The following THSD4 variants were observed in gnomAD, a reference collection of about 807,000 sequenced individuals.
THSD4 encodes the protein thrombospondin type 1 domain containing 4, also known as thrombospondin type-1 domain-containing protein 4.
Under a neutral mutation model 119.0 loss-of-function variants are expected in THSD4, and 69 were observed. The ratio of observed to expected loss-of-function variants is 0.58; its 90% CI spans 0.48 to 0.71. THSD4 has a LOEUF of 0.71. Among genes scored for constraint, THSD4 ranks in the 30% least tolerant of loss-of-function variants. The pLI, the probability that THSD4 is intolerant of heterozygous loss-of-function variation, is 0.00. For synonymous variants in THSD4, 524 were observed against 540.4 expected (o/e 0.97, Z 0.42); for missense variants, 1,393 against 1,391.1 (o/e 1.00, Z -0.02).
intron 1 of THSD4, among the ~76,000 whole-genome samples, chr15:71,139,688 T>G (rs79886694): frequency 2.6e-5 from 4 of 152,236 alleles, no homozygotes; most frequent in Admixed American, 2.6e-4. Context: ...TCCCTGAGAA[T>G]GGAATTGTCT....
At chr15:71,129,649 C>A (rs531463923) in intron 1 of THSD4, among the ~76,000 whole-genome samples, 3 of 152,230 alleles carry the variant, frequency 2.0e-5, no homozygotes, top group Admixed American at 1.3e-4. Flanking sequence ...AATCACAGCA[C>A]CTGATTTTAG....
intron 7 of THSD4, among the ~76,000 whole-genome samples, chr15:71,558,210 C>A (rs535227681): frequency 2.0e-5 from 3 of 152,226 alleles, no homozygotes; most frequent in African/African-American, 7.2e-5. Flanking sequence ...CATCTGTAGT[C>A]CCAGCTACTT....
chr15:71,539,134 G>A (rs960920896), intron 7 of THSD4, among the ~76,000 whole-genome samples: 8 of 152,206 alleles, frequency 5.3e-5, no homozygotes, highest in African/African-American at 1.9e-4. Flanking sequence ...GAAGAGAAGG[G>A]AGAGCAATCA....
chr15:71,310,901 G>GT (rs2045102151), intron 6 of THSD4, among the ~76,000 whole-genome samples: 1 of 152,118 alleles, frequency 6.6e-6, no homozygotes, highest in African/African-American at 2.4e-5. Context: ...TGAGGCCTTC[G>GT]TTTTGGGGTG....
Position 71,242,995 on chromosome 15 carries a change from G to C in THSD4, c.811G>C (p.Val271Leu), listed in dbSNP as rs750118408. ...HSPETSNNHG[V>L]GTHGATQSFS... ...CCCAGAAACAAGCAACAACCACGGTGTGGGGACCCATGGGGCAACTCAGAG... is the reference window on the plus strand; with the variant it reads ...CCCAGAAACAAGCAACAACCACGGTCTGGGGACCCATGGGGCAACTCAGAG... The change falls in exon 5 of 18, where the codon GTG becomes CTG. Residue 271 changes from valine to leucine, a missense_variant. Coordinates refer to ENST00000261862, the MANE Select transcript of THSD4 (RefSeq NM_024817.3). 4 of 1,614,104 alleles carry C rather than the reference G, an allele frequency of 2.5e-6. No individual in the cohort carries two copies. The Admixed American group carries it at 5.0e-5, about 20-fold the overall frequency.
chr15:71,723,076 T>TC (rs1382368560), intron 8 of THSD4, among the ~76,000 whole-genome samples: 1 of 151,506 alleles, frequency 6.6e-6, no homozygotes, highest in Non-Finnish European at 1.5e-5. Flanking sequence ...AGGCTAGTTT[T>TC]TTTTTTCTCT....
intron 2 of THSD4, among the ~76,000 whole-genome samples, chr15:71,148,134 A>G (rs1223946137): frequency 2.0e-5 from 3 of 152,200 alleles, no homozygotes; most frequent in African/African-American, 4.8e-5. Context: ...TCCATGCTCT[A>G]TAATGGAAAT....
chr15:71,134,261 G>C (rs969794489), intron 1 of THSD4, among the ~76,000 whole-genome samples: 2 of 152,222 alleles, frequency 1.3e-5, no homozygotes, highest in Non-Finnish European at 2.9e-5. Context: ...AAATGTGACC[G>C]GGCCTGGGGC....
At chr15:71,129,560 G>T (rs2040484790) in intron 1 of THSD4, among the ~76,000 whole-genome samples, 1 of 152,168 alleles carries the variant, frequency 6.6e-6, no homozygotes, top group Non-Finnish European at 1.5e-5. Flanking sequence ...GACCTCCAAG[G>T]ATGTGCCTCT....
At chr15:71,386,045 C>G (rs1056508524) in intron 6 of THSD4, among the ~76,000 whole-genome samples, 5 of 152,172 alleles carry the variant, frequency 3.3e-5, no homozygotes, top group Non-Finnish European at 7.4e-5. Flanking sequence ...GAGAAGAAAT[C>G]ATATTCTCTG....
At chr15:71,359,049 T>C (rs1456091796) in intron 6 of THSD4, among the ~76,000 whole-genome samples, 2 of 152,224 alleles carry the variant, frequency 1.3e-5, no homozygotes, top group Non-Finnish European at 2.9e-5. Flanking sequence ...TCCTTGTTAC[T>C]AATTTTAATT....
At position 71,133,683 on chromosome 15, in the gene THSD4, A is replaced by G. The variant is rs2899768; in HGVS notation, c.-79-7766A>G. Reference sequence around the variant, plus strand: ...AAGGTTTTTCCCCACTTTGATCTGCAGTATCATGTCATCTGAAATTGAAAA... The same window carrying G: ...AAGGTTTTTCCCCACTTTGATCTGCGGTATCATGTCATCTGAAATTGAAAA... On this transcript the variant is annotated intron_variant, in intron 1 of 17. Transcript: ENST00000261862. Among the ~76,000 whole-genome samples the G allele has an allele frequency of 8.4e-3, 1,276 of 152,360 alleles. 15 individuals are homozygous for G. The highest frequency in any genetic ancestry group is 0.014 in the Middle Eastern group (4 of 294).
chr15:71,237,135 A>T (rs906733071), intron 4 of THSD4, among the ~76,000 whole-genome samples: 3 of 152,096 alleles, frequency 2.0e-5, no homozygotes, highest in Non-Finnish European at 2.9e-5. Flanking sequence ...TTGAGTGGGT[A>T]AGCCAAGGAG....
intron 7 of THSD4, among the ~76,000 whole-genome samples, chr15:71,596,726 C>T (rs978285495): frequency 6.6e-6 from 1 of 152,192 alleles, no homozygotes; most frequent in Non-Finnish European, 1.5e-5. Flanking sequence ...TGTTTGTTTC[C>T]CCTTCTACAT....
At chr15:71,186,302 G>T (rs912524557) in intron 3 of THSD4, 3 of 152,292 alleles carry the variant, frequency 2.0e-5, no homozygotes, top group African/African-American at 7.2e-5. Flanking sequence ...CAGGGTGGCA[G>T]TGGGAGCCAG....
intron 6 of THSD4, among the ~76,000 whole-genome samples, chr15:71,318,062 C>CT (rs1400214832): frequency 6.6e-6 from 1 of 152,082 alleles, no homozygotes. Flanking sequence ...CTACCAGTGG[C>CT]TTTTGGGGGG....
chr15:71,704,084 G>A (rs898404369), intron 8 of THSD4, among the ~76,000 whole-genome samples: 10 of 152,146 alleles, frequency 6.6e-5, no homozygotes, highest in African/African-American at 2.4e-4. Context: ...TCCTGACCTC[G>A]TGATCCGCCC....
chr15:71,372,913 G>T (rs1452884363), intron 6 of THSD4, among the ~76,000 whole-genome samples: 1 of 152,240 alleles, frequency 6.6e-6, no homozygotes, highest in Non-Finnish European at 1.5e-5. Context: ...CTTGAGCTGC[G>T]GTGGGCTCCA....
At chr15:71,642,877 C>T (rs2050890613) in intron 7 of THSD4, among the ~76,000 whole-genome samples, 1 of 152,016 alleles carries the variant, frequency 6.6e-6, no homozygotes, top group South Asian at 2.1e-4. Flanking sequence ...GTGCAGCACA[C>T]CAGCATGGCA....
Sources: allele counts gnomAD v4.1 joint callset (sites outside exome capture counted in the v4.1 genomes callset), GRCh38; gene constraint gnomAD v4.1.1; transcripts MANE v1.5; gene names NCBI Gene and HGNC (gene_info 2026-07-23, HGNC 2026-07-21).